Variants in AUTS2 observed in about 807,000 individuals in gnomAD.
AUTS2 encodes activator of transcription and developmental regulator AUTS2.
In AUTS2, 17 loss-of-function variants were observed where a neutral mutation model predicts 112.4. That is an observed-to-expected ratio of 0.15 (90% confidence interval 0.10 to 0.23). The LOEUF (loss-of-function observed/expected upper bound fraction) is 0.23, where lower values mean the gene tolerates loss of function less well. Among genes scored for constraint, AUTS2 ranks in the 10% least tolerant of loss-of-function variants. AUTS2 has a pLI of 1.00. For missense variants in AUTS2, 1,510 were observed against 1,701.6 expected (o/e 0.89, Z 1.98); for synonymous variants, 751 against 702.7 (o/e 1.07, Z -1.09).
At chr7:69,808,453 G>A (rs2129524463) in intron 1 of AUTS2, among the ~76,000 whole-genome samples, 1 of 152,230 alleles carries the variant, frequency 6.6e-6, no homozygotes, top group African/African-American at 2.4e-5. Flanking sequence ...AAGGCCAGAT[G>A]TTTTTCACAT....
At position 69,825,727 on chromosome 7, in the gene AUTS2, T is replaced by A. The variant is rs1791212748; in HGVS notation, c.310-73559T>A. ...TTACTTAATCCCTGAGCCTTTCTCC[T>A]TCAGTGGTCCGTAAGGGAGCAGGTC... is the stretch of plus-strand genomic sequence containing the variant. On this transcript the variant is annotated intron_variant, in intron 1 of 18. Coordinates refer to ENST00000342771, the MANE Select transcript of AUTS2 (RefSeq NM_015570.4). The A allele has an allele frequency of 1.3e-5, 2 of 152,146 alleles. 1 individual carries two copies. The highest frequency in any genetic ancestry group is 4.1e-4 in the South Asian group (2 of 4,826). The allele number at this position is 152,146 out of a possible 1,614,324, so 9.4% of individuals were successfully genotyped here.
chr7:69,855,660 C>G (rs916581517), intron 1 of AUTS2, among the ~76,000 whole-genome samples: 2 of 152,152 alleles, frequency 1.3e-5, no homozygotes, highest in African/African-American at 4.8e-5. Flanking sequence ...ATCCACGTCA[C>G]TTTGTATCTT....
chr7:70,731,335 T>C (rs1003057423), intron 6 of AUTS2, among the ~76,000 whole-genome samples: 5 of 151,276 alleles, frequency 3.3e-5, no homozygotes, highest in African/African-American at 9.7e-5. Context: ...TTTTTTTTAC[T>C]TTTTATTTGG....
chr7:69,967,964 A>C (rs1031077141), intron 2 of AUTS2, among the ~76,000 whole-genome samples: 2 of 152,208 alleles, frequency 1.3e-5, no homozygotes, highest in Middle Eastern at 3.2e-3. Context: ...GATGAAGCAC[A>C]AGCTCTTTGC....
chr7:70,497,734 G>A (rs944894460), intron 5 of AUTS2, among the ~76,000 whole-genome samples: 5 of 152,130 alleles, frequency 3.3e-5, no homozygotes, highest in Admixed American at 1.3e-4. Context: ...TGGACCCTCG[G>A]TTTTCGCTGA....
At chr7:70,561,107 T>C (rs1421862857) in intron 5 of AUTS2, among the ~76,000 whole-genome samples, 1 of 152,198 alleles carries the variant, frequency 6.6e-6, no homozygotes, top group African/African-American at 2.4e-5. Flanking sequence ...TGAACTGTCA[T>C]CATCATCTAA....
chr7:69,960,237 G>T (rs1378360069), intron 2 of AUTS2, among the ~76,000 whole-genome samples: 2 of 152,076 alleles, frequency 1.3e-5, no homozygotes, highest in African/African-American at 4.8e-5. Flanking sequence ...TAATTGCTGC[G>T]CTCTAAGTAG....
chr7:69,887,055 G>C (rs1202470155), intron 1 of AUTS2, among the ~76,000 whole-genome samples: 1 of 152,136 alleles, frequency 6.6e-6, no homozygotes, highest in Non-Finnish European at 1.5e-5. Context: ...TGGCATTAAA[G>C]GCATGAGCCA....
intron 2 of AUTS2, among the ~76,000 whole-genome samples, chr7:70,068,491 G>T (rs1022025999): frequency 6.6e-6 from 1 of 151,956 alleles, no homozygotes; most frequent in African/African-American, 2.4e-5. Context: ...GCCATAAGTA[G>T]ATTTATTTTC....
chr7:69,722,378 A>AT (rs34149543), intron 1 of AUTS2, among the ~76,000 whole-genome samples: 13,839 of 142,662 alleles, frequency 0.097, 1,003 homozygotes, highest in African/African-American at 0.19. Context: ...CTTATTCTAC[A>AT]TTTTTTTTTT....
At chr7:70,295,754 G>C (rs1022884061) in intron 4 of AUTS2, among the ~76,000 whole-genome samples, 4 of 152,078 alleles carry the variant, frequency 2.6e-5, no homozygotes, top group African/African-American at 9.7e-5. Context: ...GGCATTAATG[G>C]ATCTGTGAAG....
intron 6 of AUTS2, among the ~76,000 whole-genome samples, chr7:70,760,143 C>G (rs2129556552): frequency 6.6e-6 from 1 of 151,998 alleles, no homozygotes; most frequent in Middle Eastern, 3.4e-3. Flanking sequence ...GTAGCTGGGA[C>G]TACAGGCACC....
At chr7:70,576,091 C>G (rs1278800846) in intron 5 of AUTS2, among the ~76,000 whole-genome samples, 1 of 152,024 alleles carries the variant, frequency 6.6e-6, no homozygotes, top group African/African-American at 2.4e-5. Context: ...CCTAATTGAC[C>G]CCCTAGGTTT....
At chr7:69,881,446 A>C (rs1461391289) in intron 1 of AUTS2, among the ~76,000 whole-genome samples, 1 of 152,044 alleles carries the variant, frequency 6.6e-6, no homozygotes, top group Non-Finnish European at 1.5e-5. Context: ...GCACCTAGTA[A>C]CTATTTTTGT....
intron 11 of AUTS2, 59 bp downstream of exon 11, chr7:70,771,703 G>C (rs1790354536): frequency 6.7e-7 from 1 of 1,500,390 alleles, no homozygotes; most frequent in African/African-American, 1.4e-5. Flanking sequence ...CCCGGGCCAG[G>C]CGTGCAGGAA....
intron 2 of AUTS2, among the ~76,000 whole-genome samples, chr7:70,083,588 T>C (rs1803430913): frequency 6.6e-6 from 1 of 152,186 alleles, no homozygotes; most frequent in Non-Finnish European, 1.5e-5. Context: ...AATGAACTGA[T>C]CATATTTAAA....
intron 1 of AUTS2, among the ~76,000 whole-genome samples, chr7:69,650,700 G>A (rs961502467): frequency 2.0e-5 from 3 of 152,186 alleles, no homozygotes; most frequent in Non-Finnish European, 4.4e-5. Flanking sequence ...GATTGCACGG[G>A]TTGCAAGCCC....
chr7:69,838,104 A>AGCTGGTATCT (rs1245995063), intron 1 of AUTS2, among the ~76,000 whole-genome samples: 1 of 152,134 alleles, frequency 6.6e-6, no homozygotes, highest in Non-Finnish European at 1.5e-5. Flanking sequence ...CTGAAATGGG[A>AGCTGGTATCT]GCTGGTATCT....
chr7:70,246,265 A>G lies in AUTS2; in HGVS notation c.660+111694A>G, dbSNP rs1240180527. Among the ~76,000 whole-genome samples the G allele has an allele frequency of 2.6e-5, 4 of 151,812 alleles. No individual in the cohort carries two copies. In the South Asian group the frequency reaches 6.3e-4, roughly 24 times the overall value. On this transcript the variant is annotated intron_variant, in intron 4 of 18. Transcript: ENST00000342771. The stretch of plus-strand genomic sequence containing the variant: ...AGTCTTGTTTTGAGAATTCATCCCT[A>G]CTCTGAGGTCATAAAAGCATTCTTA...
Sources: allele counts gnomAD v4.1 joint callset (sites outside exome capture counted in the v4.1 genomes callset), GRCh38; gene constraint gnomAD v4.1.1; transcripts MANE v1.5; gene names NCBI Gene and HGNC (gene_info 2026-07-23, HGNC 2026-07-21).